Variants in PSD4 observed in about 807,000 individuals in gnomAD.
PSD4 encodes pleckstrin and Sec7 domain containing 4.
A neutral mutation model predicts 112.5 loss-of-function variants in PSD4; 59 were observed. The observed-to-expected ratio is 0.52, with a 90% CI of 0.43 to 0.65. The LOEUF (loss-of-function observed/expected upper bound fraction) is 0.65, where lower values mean the gene tolerates loss of function less well. PSD4 is among the 30% of genes least tolerant of loss of function. PSD4 has a pLI of 0.00. For synonymous variants in PSD4, 533 were observed against 540.0 expected (o/e 0.99, Z 0.18); for missense variants, 1,267 against 1,352.6 (o/e 0.94, Z 0.99).
chr2:113,186,931 G>A (rs1313875468), intron 5 of PSD4, among the ~76,000 whole-genome samples: 1 of 152,218 alleles, frequency 6.6e-6, no homozygotes, highest in Non-Finnish European at 1.5e-5. Flanking sequence ...TTTCTAATTG[G>A]CTGAATGTGA....
intron 4 of PSD4, 148 bp from the exon 5 acceptor site, chr2:113,185,729 A>G (rs1347659263): frequency 6.5e-7 from 1 of 1,549,492 alleles, no homozygotes; most frequent in East Asian, 2.4e-5. Context: ...CTGCCTCTGC[A>G]AGTGGGAGAG....
chr2:113,199,258 C>A (rs1270099379), intron 16 of PSD4, 32 bp downstream of exon 16: 3 of 1,426,540 alleles, frequency 2.1e-6, no homozygotes, highest in Admixed American at 3.1e-5. Flanking sequence ...CCCGCCGCTG[C>A]GCAGCGCCCT....
At position 113,186,240 on chromosome 2, in the gene PSD4, TG is replaced by T; in HGVS notation, c.1614del (p.Thr539LeufsTer8). On this transcript the variant is annotated frameshift_variant, in exon 5 of 17. Transcript: ENST00000245796. LOFTEE classifies it high-confidence loss of function. Reference protein sequence around the residue: ...ETGDVQPDIHLTSAEHENLRT... With the variant: ...ETGDVQPDIHXTSAEHENLRT... ...GGAGACGTCCAGCCTGACATTCACC[TG>T]ACTTCTGCAGAACAGTAAGTCTCAG... 1 of 1,590,416 alleles carries T rather than the reference TG, an allele frequency of 6.3e-7. No homozygotes were observed. Among genetic ancestry groups the T allele is most frequent in the Non-Finnish European group, 8.6e-7 (1 of 1,166,844 alleles).
chr2:113,177,288 T>C (rs1688004816), intron 1 of PSD4, among the ~76,000 whole-genome samples: 1 of 152,254 alleles, frequency 6.6e-6, no homozygotes, highest in Non-Finnish European at 1.5e-5. Context: ...GCCTCGGTCT[T>C]CCCCGTCTTC....
chr2:113,196,013 G>A (rs146175607), intron 11 of PSD4, 134 bp from the exon 12 acceptor site: 16 of 1,197,510 alleles, frequency 1.3e-5, no homozygotes, highest in African/African-American at 1.1e-4. Flanking sequence ...CACTGTGAAG[G>A]AGGACTCCTT....
At chr2:113,198,517 C>A in intron 14 of PSD4, 1 of 456,794 alleles carries the variant, frequency 2.2e-6, no homozygotes, top group Non-Finnish European at 3.8e-6. Flanking sequence ...GGTGATCCGC[C>A]TGCCAAGGCG....
In PSD4 at chr2:113,192,473, T is replaced by C; in HGVS notation, c.1722T>C (p.Ala574=). 6.2e-7 allele frequency: 1 copy of C among 1,614,214 alleles called. No individual in the cohort carries two copies. The highest frequency in any genetic ancestry group is 1.3e-5 in the African/African-American group (1 of 75,054). Residue 574 remains alanine (A), a synonymous_variant, in exon 6 of 17, where the codon GCT becomes GCC. Coordinates refer to ENST00000245796, the MANE Select transcript of PSD4 (RefSeq NM_012455.3). ...CAGAGGAAGGCCAGAGACCACCAGC[T>C]GGAGACAAGCTAGCTAATGGCGTCA... ...QSPEEGQRPP[A]GDKLANGVRN...
chr2:113,174,523 C>T (rs1573342350), intron 1 of PSD4, among the ~76,000 whole-genome samples: 1 of 152,030 alleles, frequency 6.6e-6, no homozygotes, highest in East Asian at 1.9e-4. Flanking sequence ...GAGAGGGAGT[C>T]TGGAAGGCCT....
chr2:113,178,530 G>T (rs1688037663), intron 1 of PSD4, among the ~76,000 whole-genome samples: 1 of 151,712 alleles, frequency 6.6e-6, no homozygotes, highest in Admixed American at 6.6e-5. Context: ...TGTACCTAGA[G>T]GGCTGCTTTA....
At chr2:113,186,355 C>T in intron 5 of PSD4, 100 bp downstream of exon 5, 1 of 1,267,048 alleles carries the variant, frequency 7.9e-7, no homozygotes, top group Non-Finnish European at 1.1e-6. Context: ...TGGAATTAAA[C>T]ATACCCATAT....
At chr2:113,192,213 C>T (rs900315908) in intron 5 of PSD4, among the ~76,000 whole-genome samples, 167 bp from the exon 6 acceptor site, 1 of 151,966 alleles carries the variant, frequency 6.6e-6, no homozygotes, top group Non-Finnish European at 1.5e-5. Flanking sequence ...TCTCCTGGTC[C>T]CAGGCCAGGC....
intron 1 of PSD4, among the ~76,000 whole-genome samples, chr2:113,177,867 G>A (rs938415556): frequency 5.3e-5 from 8 of 152,126 alleles, no homozygotes; most frequent in Non-Finnish European, 7.4e-5. Flanking sequence ...CGGGATAAAC[G>A]CTCAGAAAGT....
In PSD4 at chr2:113,182,705, G is replaced by A. The variant is rs764514163; in HGVS notation, c.249G>A (p.Gly83=). 3 of 1,606,820 alleles carry A rather than the reference G, an allele frequency of 1.9e-6. No individual in the cohort carries two copies. The highest frequency in any genetic ancestry group is 4.5e-5 in the East Asian group (2 of 44,708). ...THLGSWVHQD[G]LEPCQEQTRA... is the part of the protein sequence containing the mutation. ...TGGGGAGCTGGGTCCATCAGGACGGGCTGGAGCCTTGCCAGGAGCAAACCC... is the reference window on the plus strand; with the variant it reads ...TGGGGAGCTGGGTCCATCAGGACGGACTGGAGCCTTGCCAGGAGCAAACCC... Residue 83 remains glycine (G), a synonymous_variant, in exon 2 of 17, where the codon GGG becomes GGA. Transcript: ENST00000245796.
Position 113,186,068 on chromosome 2 carries a change from C to T in PSD4, c.1441C>T (p.Pro481Ser). The part of the protein sequence containing the change: ...QLQHHSSGIL[P>S]KWTLDASQSS... ...TCAACACCACAGCTCAGGCATTTTG[C>T]CCAAGTGGACACTAGATGCTTCACA... The change falls in exon 5 of 17, where the codon CCC (proline) becomes TCC (serine). Residue 481 changes from proline (P) to serine (S), a missense_variant. Pro to Ser is a moderately conservative substitution (Grantham distance 74). Coordinates refer to ENST00000245796, the MANE Select transcript of PSD4 (RefSeq NM_012455.3). The T allele has an allele frequency of 6.2e-7, 1 of 1,614,218 alleles. No individual in the cohort carries two copies. The highest frequency in any genetic ancestry group is 8.5e-7 in the Non-Finnish European group (1 of 1,180,030).
chr2:113,190,147 G>A (rs1345917795), intron 5 of PSD4, among the ~76,000 whole-genome samples: 4 of 152,106 alleles, frequency 2.6e-5, no homozygotes, highest in African/African-American at 9.7e-5. Context: ...ATAGTTCCTG[G>A]TCTTAGATTT....
rs147848573 is a variant in PSD4, at chr2:113,192,552, T to C, written c.1801T>C (p.Phe601Leu). The stretch of plus-strand genomic sequence containing the variant: ...CTCACGCCTCTATCGCCTGGAGGGC[T>C]TCCGGAAGTCTGAAGTGGCTGCCTA... ...LASRLYRLEG[F>L]RKSEVAAYLQ... The change falls in exon 6 of 17, where the codon TTC (phenylalanine) becomes CTC (leucine). Residue 601 changes from phenylalanine to leucine, a missense_variant. Phe to Leu is a conservative substitution (Grantham distance 22). Around this residue, in one of 2 missense-constraint regions of PSD4, gnomAD observed 544 missense variants for 648.6 expected, o/e 0.84. Transcript: ENST00000245796. The C allele has an allele frequency of 2.8e-5, 46 of 1,614,068 alleles. No individual in the cohort carries two copies. The highest frequency in any genetic ancestry group is 3.3e-4 in the Middle Eastern group (2 of 6,084).
intron 6 of PSD4, 100 bp downstream of exon 6, chr2:113,192,689 G>GC: frequency 7.9e-7 from 1 of 1,260,730 alleles, no homozygotes; most frequent in Non-Finnish European, 1.1e-6. Context: ...TCCCGTCCCT[G>GC]CCCTGTTCCC....
In PSD4 at chr2:113,198,829, C is replaced by A. The variant is rs1274864637; in HGVS notation, c.2714C>A (p.Ser905Tyr). 5.6e-6 allele frequency: 9 copies of A among 1,598,196 alleles called. No homozygotes were observed. The highest frequency in any genetic ancestry group is 7.6e-6 in the Non-Finnish European group (9 of 1,177,690). ...CCGCCCTTCCCCGCCGCTGTGGGCT[C>A]CCAGCGCAGATTCGTGCGGCCCATC... ...SAPPFPAAVG[S>Y]QRRFVRPILP... is the part of the protein sequence containing the mutation. The change falls in exon 15 of 17, where the codon TCC becomes TAC. Residue 905 changes from serine to tyrosine, a missense_variant. Physicochemically the swap from Ser to Tyr is moderately radical, Grantham distance 144 (BLOSUM62 -2). Coordinates refer to ENST00000245796, the MANE Select transcript of PSD4 (RefSeq NM_012455.3).
intron 1 of PSD4, among the ~76,000 whole-genome samples, chr2:113,178,213 G>A (rs1014547489): frequency 2.6e-5 from 4 of 151,846 alleles, no homozygotes; most frequent in Non-Finnish European, 4.4e-5. Context: ...GCAAGATACC[G>A]TCTAAAAAAA....
Sources: gnomAD v4.1 joint callset for allele counts (sites outside exome capture counted in the v4.1 genomes callset) on GRCh38, gnomAD v4.1.1 for gene constraint, gnomAD v4.1.1 regional missense constraint, MANE v1.5 for transcripts, NCBI Gene and HGNC (gene_info 2026-07-23, HGNC 2026-07-21) for gene names.